Variants in NRG3 observed in about 807,000 individuals in gnomAD.
NRG3 encodes neuregulin 3, also known as pro-neuregulin-3, membrane-bound isoform.
A neutral mutation model predicts 66.9 loss-of-function variants in NRG3; 31 were observed. That is an observed-to-expected ratio of 0.46 (90% CI 0.35 to 0.63). The LOEUF (loss-of-function observed/expected upper bound fraction) is 0.63, where lower values mean the gene tolerates loss of function less well. Among genes scored for constraint, NRG3 ranks in the 20% least tolerant of loss-of-function variants. NRG3 has a pLI of 0.00. For synonymous variants in NRG3, 393 were observed against 359.4 expected (o/e 1.09, Z -1.06); for missense variants, 910 against 878.9 (o/e 1.04, Z -0.45).
intron 2 of NRG3, among the ~76,000 whole-genome samples, chr10:82,731,842 A>C (rs1051353959): frequency 3.9e-5 from 6 of 152,154 alleles, no homozygotes; most frequent in African/African-American, 1.4e-4. Context: ...TTTCTGAAGA[A>C]TCACCATTCT....
intron 2 of NRG3, among the ~76,000 whole-genome samples, chr10:82,545,670 C>T (rs956844088): frequency 1.3e-5 from 2 of 148,396 alleles, no homozygotes; most frequent in Admixed American, 6.7e-5. Context: ...CGTGAGCCAC[C>T]GTGCCCAGCC....
intron 2 of NRG3, among the ~76,000 whole-genome samples, chr10:82,664,551 G>A (rs1457027506): frequency 6.6e-6 from 1 of 152,176 alleles, no homozygotes; most frequent in Non-Finnish European, 1.5e-5. Flanking sequence ...GCTATTTAAA[G>A]TTATCATATT....
rs980826162 is a variant in NRG3 at position 82,096,632 on chromosome 10, A to T, written c.823+220469A>T. On this transcript the variant is annotated intron_variant, in intron 1 of 8. Coordinates refer to ENST00000372141, the MANE Select transcript of NRG3 (RefSeq NM_001010848.4). ...AAAAAATATTGAAGACTAAGATAATACAATCTCAAAATGACTAAGTAAAAT... is the reference window on the plus strand; with the variant it reads ...AAAAAATATTGAAGACTAAGATAATTCAATCTCAAAATGACTAAGTAAAAT... Among the ~76,000 whole-genome samples, 7 of 152,346 alleles carry T rather than the reference A, an allele frequency of 4.6e-5. 1 individual carries two copies. The highest frequency in any genetic ancestry group is 3.4e-3 in the Middle Eastern group (1 of 294).
intron 1 of NRG3, among the ~76,000 whole-genome samples, chr10:82,029,871 T>C (rs768052915): frequency 6.6e-6 from 1 of 152,214 alleles, no homozygotes; most frequent in East Asian, 1.9e-4. Context: ...CTTGATTATC[T>C]AAAGGGAACT....
chr10:81,896,054 G>T (rs753890274), intron 1 of NRG3, among the ~76,000 whole-genome samples: 1 of 152,020 alleles, frequency 6.6e-6, no homozygotes, highest in South Asian at 2.1e-4. Context: ...CTGGTCTTTG[G>T]GGGGACAAAT....
intron 1 of NRG3, among the ~76,000 whole-genome samples, chr10:82,176,070 G>A (rs997305088): frequency 1.1e-4 from 16 of 152,250 alleles, no homozygotes; most frequent in African/African-American, 3.6e-4. Context: ...AACTTAGGAA[G>A]CTCTGGAATA....
intron 2 of NRG3, among the ~76,000 whole-genome samples, chr10:82,489,789 AG>A (rs752220290): frequency 6.6e-6 from 1 of 152,342 alleles, no homozygotes; most frequent in Admixed American, 6.5e-5. Flanking sequence ...TATTGAAAAA[AG>A]TATTGTTATC....
At chr10:82,407,915 A>G (rs1318604333) in intron 2 of NRG3, among the ~76,000 whole-genome samples, 1 of 151,922 alleles carries the variant, frequency 6.6e-6, no homozygotes, top group Non-Finnish European at 1.5e-5. Flanking sequence ...CTAAAAATAC[A>G]AAAATTAGTC....
chr10:82,307,390 A>C (rs1178135663), intron 1 of NRG3, among the ~76,000 whole-genome samples: 1 of 152,206 alleles, frequency 6.6e-6, no homozygotes, highest in Non-Finnish European at 1.5e-5. Flanking sequence ...TTTTATGATT[A>C]AGAGACAGAA....
At chr10:81,990,143 T>G (rs1373130880) in intron 1 of NRG3, among the ~76,000 whole-genome samples, 1 of 152,188 alleles carries the variant, frequency 6.6e-6, no homozygotes, top group Non-Finnish European at 1.5e-5. Flanking sequence ...TCTTTACTCT[T>G]TAGATCTCAA....
chr10:82,367,557 A>G lies in NRG3; in HGVS notation c.953+8689A>G, dbSNP rs895051528. ...ATAAAAATCTTTTTAAAAGATAAATATTTTTTAAAGATAAATAAGAATATT... is the reference window on the plus strand; with the variant it reads ...ATAAAAATCTTTTTAAAAGATAAATGTTTTTTAAAGATAAATAAGAATATT... On this transcript the variant is annotated intron_variant, in intron 2 of 8. Transcript: ENST00000372141. 6.6e-5 allele frequency among the ~76,000 whole-genome samples: 10 copies of G among 152,082 alleles called. 1 individual carries two copies. The highest frequency in any genetic ancestry group is 1.3e-4 in the Admixed American group (2 of 15,278).
intron 1 of NRG3, among the ~76,000 whole-genome samples, chr10:82,032,200 T>C (rs1589845289): frequency 6.6e-6 from 1 of 152,056 alleles, no homozygotes; most frequent in East Asian, 1.9e-4. Context: ...GTTACTCTTC[T>C]GTTGATGGAC....
intron 1 of NRG3, among the ~76,000 whole-genome samples, chr10:81,932,392 G>A (rs1847458629): frequency 6.6e-6 from 1 of 152,150 alleles, no homozygotes. Context: ...CAGCATTGGG[G>A]ATTTCAATTC....
At chr10:82,435,187 C>A (rs1461742637) in intron 2 of NRG3, among the ~76,000 whole-genome samples, 3 of 152,032 alleles carry the variant, frequency 2.0e-5, no homozygotes, top group Non-Finnish European at 4.4e-5. Flanking sequence ...GTGTATGCAT[C>A]CAGGAATTTA....
intron 2 of NRG3, among the ~76,000 whole-genome samples, chr10:82,688,122 A>C (rs2054650818): frequency 6.6e-6 from 1 of 152,226 alleles, no homozygotes; most frequent in South Asian, 2.1e-4. Context: ...CACAGTATAT[A>C]AGATACAGGT....
chr10:82,487,307 A>G (rs902915255), intron 2 of NRG3, among the ~76,000 whole-genome samples: 3 of 152,080 alleles, frequency 2.0e-5, no homozygotes, highest in African/African-American at 7.2e-5. Flanking sequence ...TGAACACCTT[A>G]GAAAGGGGAT....
chr10:82,231,066 G>T (rs780463762), intron 1 of NRG3, among the ~76,000 whole-genome samples: 35 of 152,168 alleles, frequency 2.3e-4, no homozygotes, highest in Non-Finnish European at 8.8e-5. Flanking sequence ...ATATTGGCCA[G>T]GCACAGTGGC....
Position 82,917,986 on chromosome 10 carries a change from ATATATATGTATG to A in NRG3, c.1055-33479_1055-33468del, listed in dbSNP as rs1564629494. On this transcript the variant is annotated intron_variant, in intron 4 of 8. Coordinates refer to ENST00000372141, the MANE Select transcript of NRG3 (RefSeq NM_001010848.4). The stretch of plus-strand genomic sequence containing the variant: ...TGTGTGTGTGTATATATATATATAT[ATATATATGTATG>A]TATGTATCTCTCTCTATATATATAC... Among the ~76,000 whole-genome samples, 13 of 121,482 alleles carry A rather than the reference ATATATATGTATG, an allele frequency of 1.1e-4. No homozygotes were observed. The South Asian group carries it at 1.4e-3, about 13-fold the overall frequency. The allele number at this position is 121,482 out of a possible 152,430, so 79.7% of individuals were successfully genotyped here. A position where few individuals can be genotyped will look rare whatever the true frequency, so the allele number is the denominator to read the frequency against.
intron 1 of NRG3, among the ~76,000 whole-genome samples, chr10:82,303,180 T>C (rs1823449341): frequency 6.6e-6 from 1 of 152,222 alleles, no homozygotes; most frequent in Non-Finnish European, 1.5e-5. Context: ...CACTCCATCT[T>C]CCACCTCAAA....
Sources: allele counts gnomAD v4.1 joint callset (sites outside exome capture counted in the v4.1 genomes callset), GRCh38; gene constraint gnomAD v4.1.1; transcripts MANE v1.5; gene names NCBI Gene and HGNC (gene_info 2026-07-23, HGNC 2026-07-21).